PARD3: variants seen among roughly 807,000 people sequenced by gnomAD.
PARD3 encodes par-3 family cell polarity regulator.
A neutral mutation model predicts 155.4 loss-of-function variants in PARD3; 75 were observed. The ratio of observed to expected loss-of-function variants is 0.48; its 90% CI spans 0.40 to 0.58. The LOEUF (loss-of-function observed/expected upper bound fraction) is 0.58, where lower values mean the gene tolerates loss of function less well. Among genes scored for constraint, PARD3 ranks in the 20% least tolerant of loss-of-function variants. The pLI, the probability that PARD3 is intolerant of heterozygous loss-of-function variation, is 0.00. For synonymous variants in PARD3, 576 were observed against 610.5 expected (o/e 0.94, Z 0.83); for missense variants, 1,642 against 1,721.7 (o/e 0.95, Z 0.82).
At chr10:34,189,056 G>A (rs1462487406) in intron 22 of PARD3, among the ~76,000 whole-genome samples, 1 of 152,200 alleles carries the variant, frequency 6.6e-6, no homozygotes, top group African/African-American at 2.4e-5. Context: ...TCTTGGCTGG[G>A]AGCCATGGTT....
intron 3 of PARD3, among the ~76,000 whole-genome samples, chr10:34,487,369 G>C (rs896834417): frequency 6.6e-6 from 1 of 151,774 alleles, no homozygotes; most frequent in African/African-American, 2.4e-5. Context: ...AAAGGACACC[G>C]AGAAAATGTT....
chr10:34,607,047 G>C (rs1814417403), intron 2 of PARD3, among the ~76,000 whole-genome samples: 1 of 151,516 alleles, frequency 6.6e-6, no homozygotes, highest in Non-Finnish European at 1.5e-5. Flanking sequence ...GTAGATAGAT[G>C]CATAAGATGA....
At chr10:34,309,198 T>G (rs1223901512) in intron 20 of PARD3, among the ~76,000 whole-genome samples, 1 of 152,122 alleles carries the variant, frequency 6.6e-6, no homozygotes, top group East Asian at 1.9e-4. Context: ...TAAGTAGGGC[T>G]AAGAGAGAAT....
intron 1 of PARD3, among the ~76,000 whole-genome samples, chr10:34,710,592 T>C (rs114095210): frequency 1.7e-3 from 262 of 152,264 alleles, no homozygotes; most frequent in African/African-American, 6.1e-3. Context: ...CTCACTACTT[T>C]CTAAAAGTCA....
chr10:34,454,813 G>A (rs1330450803), intron 4 of PARD3, among the ~76,000 whole-genome samples: 2 of 152,128 alleles, frequency 1.3e-5, no homozygotes, highest in Non-Finnish European at 2.9e-5. Context: ...AGCATCAGGT[G>A]TCAAAAAGCC....
At chr10:34,214,293 C>A (rs910670758) in intron 22 of PARD3, among the ~76,000 whole-genome samples, 1 of 152,064 alleles carries the variant, frequency 6.6e-6, no homozygotes, top group Non-Finnish European at 1.5e-5. Flanking sequence ...GTGGGTGTTG[C>A]GATTTCAGAA....
At chr10:34,582,944 G>A (rs1432579833) in intron 2 of PARD3, among the ~76,000 whole-genome samples, 1 of 152,200 alleles carries the variant, frequency 6.6e-6, no homozygotes, top group Non-Finnish European at 1.5e-5. Flanking sequence ...CCTGAACCAT[G>A]AGGTGATACT....
chr10:34,278,187 C>T (rs967763388), intron 21 of PARD3, among the ~76,000 whole-genome samples: 4 of 150,514 alleles, frequency 2.7e-5, no homozygotes, highest in Non-Finnish European at 5.9e-5. Context: ...TCTGGGACTA[C>T]AGGTGCATAC....
intron 21 of PARD3, among the ~76,000 whole-genome samples, chr10:34,282,315 G>A (rs1253095662): frequency 6.6e-6 from 1 of 151,976 alleles, no homozygotes; most frequent in East Asian, 1.9e-4. Flanking sequence ...TTTATTTTAG[G>A]CCTCCTGTAC....
At chr10:34,759,584 G>C (rs1054652282) in intron 1 of PARD3, among the ~76,000 whole-genome samples, 1 of 152,232 alleles carries the variant, frequency 6.6e-6, no homozygotes, top group Admixed American at 6.5e-5. Context: ...AAGTAAAAGA[G>C]AGCAAAGAAA....
intron 4 of PARD3, among the ~76,000 whole-genome samples, chr10:34,452,772 A>G (rs1423361874): frequency 1.3e-5 from 2 of 152,200 alleles, no homozygotes; most frequent in East Asian, 3.9e-4. Flanking sequence ...TCATGATCTC[A>G]GTTTCCAACA....
intron 12 of PARD3, among the ~76,000 whole-genome samples, chr10:34,361,429 T>C (rs1292742949): frequency 1.3e-5 from 2 of 152,214 alleles, no homozygotes; most frequent in East Asian, 3.8e-4. Flanking sequence ...TTTAAACAGA[T>C]TGTGCTTTTA....
intron 1 of PARD3, among the ~76,000 whole-genome samples, chr10:34,795,909 A>ATAACG (rs1192238607): frequency 6.6e-6 from 1 of 152,134 alleles, no homozygotes; most frequent in Non-Finnish European, 1.5e-5. Context: ...ATAACATAAC[A>ATAACG]TAACATAACA....
At chr10:34,355,261 A>G (rs1426863594) in intron 14 of PARD3, among the ~76,000 whole-genome samples, 1 of 152,150 alleles carries the variant, frequency 6.6e-6, no homozygotes, top group Admixed American at 6.5e-5. Flanking sequence ...TGGGAAGTCG[A>G]GGCTACAGTG....
intron 2 of PARD3, among the ~76,000 whole-genome samples, chr10:34,687,017 C>G (rs1385794953): frequency 6.6e-6 from 1 of 151,850 alleles, no homozygotes; most frequent in Admixed American, 6.6e-5. Flanking sequence ...CCACTGCACT[C>G]CAGTCCGGGC....
At chr10:34,314,788 C>T (rs748690808) in intron 20 of PARD3, among the ~76,000 whole-genome samples, 7 of 152,116 alleles carry the variant, frequency 4.6e-5, no homozygotes, top group African/African-American at 1.7e-4. Flanking sequence ...TAAAGTATAG[C>T]AAAAATAATT....
rs542006498 is a variant in PARD3, at chr10:34,253,723, G to A, written c.3419+15934C>T. On this transcript the variant is annotated intron_variant, in intron 22 of 24. Coordinates refer to ENST00000374788, the MANE Select transcript of PARD3 (RefSeq NM_001184785.2). ...AGAGAAGACACAGCTGTCTGCCAGT[G>A]GCTTTTCAGGGCAAGAGGTATCTAG... is the stretch of plus-strand genomic sequence containing the variant. Among the ~76,000 whole-genome samples the A allele has an allele frequency of 3.3e-5, 5 of 152,272 alleles. No homozygotes were observed. The South Asian group carries it at 1.0e-3, about 32-fold the overall frequency.
At chr10:34,476,735 TAG>T (rs1267114367) in intron 3 of PARD3, among the ~76,000 whole-genome samples, 2 of 143,210 alleles carry the variant, frequency 1.4e-5, no homozygotes, top group Non-Finnish European at 2.9e-5. Flanking sequence ...AAAAATGTAC[TAG>T]AAAAAAACAT....
chr10:34,364,433 T>TC (rs142605683), intron 12 of PARD3, among the ~76,000 whole-genome samples: 10,176 of 151,944 alleles, frequency 0.067, 449 homozygotes, highest in Non-Finnish European at 0.096. Context: ...TACAGAATTA[T>TC]CTTTTTTTTT....
Sources: allele counts gnomAD v4.1 joint callset (sites outside exome capture counted in the v4.1 genomes callset), GRCh38; gene constraint gnomAD v4.1.1; transcripts MANE v1.5; gene names NCBI Gene and HGNC (gene_info 2026-07-23, HGNC 2026-07-21).